The following ADGRL2 variants were observed in gnomAD, a reference collection of about 807,000 sequenced individuals.
ADGRL2 encodes adhesion G protein-coupled receptor L2.
ADGRL2 carries 44 observed loss-of-function variants against 157.4 expected under a neutral mutation model. That is an observed-to-expected ratio of 0.28 (90% CI 0.22 to 0.36). The LOEUF is 0.36. Ranked by LOEUF, ADGRL2 falls within the 10% of genes least tolerant of loss-of-function variation. ADGRL2 has a pLI of 1.00. For synonymous variants in ADGRL2, 585 were observed against 624.7 expected (o/e 0.94, Z 0.95); for missense variants, 1,510 against 1,768.9 (o/e 0.85, Z 2.63).
At chr1:81,703,878 T>A (rs571922007) in intron 1 of ADGRL2, among the ~76,000 whole-genome samples, 39 of 152,304 alleles carry the variant, frequency 2.6e-4, no homozygotes, top group Non-Finnish European at 3.4e-4. Context: ...TATTTTTAGT[T>A]TAGTGCTCTT....
At chr1:81,338,348 G>A (rs1389953768) in intron 1 of ADGRL2, among the ~76,000 whole-genome samples, 1 of 151,584 alleles carries the variant, frequency 6.6e-6, no homozygotes, top group African/African-American at 2.4e-5. Flanking sequence ...GGGCGACAGA[G>A]CAAGACTGTG....
chr1:81,895,644 C>T (rs2094370187), intron 2 of ADGRL2, among the ~76,000 whole-genome samples: 6 of 152,044 alleles, frequency 3.9e-5, no homozygotes, highest in Admixed American at 3.9e-4. Context: ...ATCCACCTGC[C>T]TCGGCCTCCC....
chr1:81,521,550 A>G (rs1258464552), intron 2 of ADGRL2, among the ~76,000 whole-genome samples: 1 of 152,216 alleles, frequency 6.6e-6, no homozygotes, highest in Non-Finnish European at 1.5e-5. Flanking sequence ...ATCATATTAA[A>G]ATCATATAAA....
At chr1:81,781,184 T>C (rs1229739549) in intron 2 of ADGRL2, among the ~76,000 whole-genome samples, 3 of 152,140 alleles carry the variant, frequency 2.0e-5, no homozygotes, top group African/African-American at 7.2e-5. Context: ...ACACAGTATG[T>C]TTGTTGAAGG....
chr1:81,493,625 A>G (rs1009779060), intron 2 of ADGRL2, among the ~76,000 whole-genome samples: 24 of 152,298 alleles, frequency 1.6e-4, no homozygotes, highest in Admixed American at 1.4e-3. Flanking sequence ...GCTGAAACAC[A>G]TCAGTGAAGT....
chr1:81,316,060 C>T (rs914599035), intron 1 of ADGRL2, among the ~76,000 whole-genome samples: 3 of 151,478 alleles, frequency 2.0e-5, no homozygotes, highest in African/African-American at 7.3e-5. Flanking sequence ...ATCTTCCTTT[C>T]TTCCCTTAGC....
At chr1:81,474,281 C>T (rs2078229489) in intron 2 of ADGRL2, among the ~76,000 whole-genome samples, 1 of 152,160 alleles carries the variant, frequency 6.6e-6, no homozygotes, top group South Asian at 2.1e-4. Context: ...TCTGTCTCCC[C>T]CATTAGAATT....
chr1:81,378,197 C>T (rs1053018499), intron 1 of ADGRL2, among the ~76,000 whole-genome samples: 7 of 151,652 alleles, frequency 4.6e-5, no homozygotes, highest in African/African-American at 1.7e-4. Context: ...AAAAAGAATG[C>T]CACAATGGTT....
chr1:81,746,079 T>C (rs1434473318), intron 1 of ADGRL2, among the ~76,000 whole-genome samples: 1 of 152,136 alleles, frequency 6.6e-6, no homozygotes, highest in Non-Finnish European at 1.5e-5. Context: ...TTCAGAGATA[T>C]TTGTTTGTAC....
intron 2 of ADGRL2, among the ~76,000 whole-genome samples, chr1:81,879,031 G>T (rs1369563698): frequency 2.0e-5 from 3 of 152,130 alleles, no homozygotes; most frequent in African/African-American, 7.2e-5. Context: ...AGCAAACAAT[G>T]AAATGAAAAC....
intron 2 of ADGRL2, among the ~76,000 whole-genome samples, chr1:81,538,634 T>C (rs139123435): frequency 1.5e-4 from 23 of 152,300 alleles, no homozygotes; most frequent in African/African-American, 4.8e-4. Context: ...AAGGGTGTTA[T>C]GTCGATGACT....
chr1:81,831,744 G>A (rs1417857010), intron 1 of ADGRL2, among the ~76,000 whole-genome samples: 2 of 152,046 alleles, frequency 1.3e-5, no homozygotes, highest in South Asian at 2.1e-4. Context: ...TTACTAGGAC[G>A]AGTTATTTTT....
chr1:81,415,920 A>G (rs1437897390), intron 1 of ADGRL2, among the ~76,000 whole-genome samples: 5 of 150,288 alleles, frequency 3.3e-5, no homozygotes, highest in African/African-American at 1.2e-4. Flanking sequence ...AGCTCACTGC[A>G]AGCTCGGCCT....
chr1:81,875,582 G>A (rs1042314571), intron 2 of ADGRL2, among the ~76,000 whole-genome samples: 3 of 152,064 alleles, frequency 2.0e-5, no homozygotes, highest in Non-Finnish European at 4.4e-5. Context: ...GATTCTTGAT[G>A]TACTTGTGTA....
intron 3 of ADGRL2, among the ~76,000 whole-genome samples, chr1:81,636,548 A>G (rs1019931986): frequency 6.6e-6 from 1 of 151,874 alleles, no homozygotes; most frequent in Non-Finnish European, 1.5e-5. Context: ...GGCTACACAA[A>G]CTGTCCCTAT....
intron 2 of ADGRL2, among the ~76,000 whole-genome samples, chr1:81,450,362 C>T (rs1405291824): frequency 1.3e-5 from 2 of 152,108 alleles, no homozygotes; most frequent in East Asian, 3.9e-4. Context: ...TACCTGCCAT[C>T]CTGTTATATG....
intron 2 of ADGRL2, among the ~76,000 whole-genome samples, chr1:81,465,142 G>C (rs934637369): frequency 3.3e-5 from 5 of 151,860 alleles, no homozygotes; most frequent in African/African-American, 4.8e-5. Context: ...CTGTTAAAAT[G>C]ACAACTTCAA....
chr1:81,943,137 T>C lies in ADGRL2; in HGVS notation c.578T>C (p.Leu193Ser). Residue 193 changes from leucine (L) to serine (S), a missense_variant, in exon 6 of 24, where the codon TTA becomes TCA. Leu to Ser is a moderately radical substitution (Grantham distance 145). Around this residue, in one of 4 missense-constraint regions of ADGRL2, gnomAD observed 361 missense variants for 498.4 expected, o/e 0.72. Transcript: ENST00000686636. This position sits in a 1 kb window ranked among gnomAD's most constrained non-coding sequence, Gnocchi z 5.6. ...RTDTLIEYAS[L>S]EDFQNSRQTT... ...GATACTTTAATAGAATATGCTTCTT[T>C]AGAAGATTTCCAAAATAGTCGCCAA... 6.2e-7 allele frequency: 1 copy of C among 1,613,580 alleles called. No homozygotes were observed. Among genetic ancestry groups the C allele is most frequent in the South Asian group, 1.1e-5 (1 of 91,074 alleles).
At chr1:81,634,533 TTG>T (rs1314131898) in intron 3 of ADGRL2, among the ~76,000 whole-genome samples, 3 of 151,170 alleles carry the variant, frequency 2.0e-5, no homozygotes, top group Admixed American at 1.3e-4. Context: ...TTTGGTTTTT[TTG>T]TTTGTTTGTT....
Sources: gnomAD v4.1 joint callset for allele counts (sites outside exome capture counted in the v4.1 genomes callset) on GRCh38, gnomAD v4.1.1 for gene constraint, gnomAD v4.1.1 regional missense constraint, Gnocchi (gnomAD v3.1) non-coding constraint, MANE v1.5 for transcripts, NCBI Gene and HGNC (gene_info 2026-07-23, HGNC 2026-07-21) for gene names.